FBXL5: variants seen among roughly 807,000 people sequenced by gnomAD.
FBXL5 encodes F-box/LRR-repeat protein 5.
Under a neutral mutation model 78.3 loss-of-function variants are expected in FBXL5, and 26 were observed. That is an observed-to-expected ratio of 0.33 (90% CI 0.24 to 0.46). The LOEUF (loss-of-function observed/expected upper bound fraction) is 0.46, where lower values mean the gene tolerates loss of function less well. FBXL5 is among the 20% of genes least tolerant of loss of function. The pLI, the probability that FBXL5 is intolerant of heterozygous loss-of-function variation, is 1.00. For missense variants in FBXL5, 710 were observed against 829.2 expected, an observed-to-expected ratio of 0.86 and a Z score of 1.77; for synonymous variants, 295 against 282.5, an observed-to-expected ratio of 1.04 and a Z score of -0.45.
chr4:15,614,327 C>T (rs1168412394), intron 9 of FBXL5, among the ~76,000 whole-genome samples: 1 of 152,154 alleles, frequency 6.6e-6, no homozygotes, highest in African/African-American at 2.4e-5. Context: ...AGCACCTGCT[C>T]CAGTGGAGAT....
chr4:15,679,450 A>T (rs1198429426), intron 1 of FBXL5, among the ~76,000 whole-genome samples: 2 of 151,942 alleles, frequency 1.3e-5, no homozygotes, highest in Non-Finnish European at 2.9e-5. Context: ...TTGTTTTTGA[A>T]TTGCTTCTGT....
At chr4:15,609,375 T>A (rs1425538150) in intron 10 of FBXL5, among the ~76,000 whole-genome samples, 1 of 152,142 alleles carries the variant, frequency 6.6e-6, no homozygotes, top group Admixed American at 6.5e-5. Flanking sequence ...TTAGCTATTA[T>A]TTCTCCAGAC....
chr4:15,632,155 C>A (rs1157839344), intron 5 of FBXL5, among the ~76,000 whole-genome samples: 1 of 152,114 alleles, frequency 6.6e-6, no homozygotes, highest in Admixed American at 6.6e-5. Flanking sequence ...TTTCCCAGCA[C>A]CATTTATTAC....
At chr4:15,613,073 A>C (rs1722377730) in intron 9 of FBXL5, among the ~76,000 whole-genome samples, 1 of 152,188 alleles carries the variant, frequency 6.6e-6, no homozygotes, top group Non-Finnish European at 1.5e-5. Context: ...CATAAACCTA[A>C]TTTTAAAAAG....
At chr4:15,608,049 T>C (rs1021620445) in intron 10 of FBXL5, among the ~76,000 whole-genome samples, 7 of 152,152 alleles carry the variant, frequency 4.6e-5, no homozygotes, top group Non-Finnish European at 1.0e-4. Context: ...AATGACACTA[T>C]TTGAGGACTT....
intron 8 of FBXL5, 99 bp downstream of exon 8, chr4:15,626,774 T>C (rs1159798556): frequency 2.4e-6 from 2 of 839,922 alleles, no homozygotes; most frequent in Admixed American, 5.2e-5. Context: ...TGACTGAGAT[T>C]TGATAGTAAA....
At chr4:15,632,133 T>C (rs548038989) in intron 5 of FBXL5, among the ~76,000 whole-genome samples, 78 of 152,332 alleles carry the variant, frequency 5.1e-4, no homozygotes, top group African/African-American at 1.8e-3. Context: ...TATCTACATA[T>C]GGCTAGCCAG....
At chr4:15,679,252 A>G (rs948479996) in intron 1 of FBXL5, among the ~76,000 whole-genome samples, 3 of 151,986 alleles carry the variant, frequency 2.0e-5, no homozygotes, top group African/African-American at 7.3e-5. Flanking sequence ...TAGTAGAGAC[A>G]GGGTTTCACC....
intron 9 of FBXL5, among the ~76,000 whole-genome samples, chr4:15,616,602 C>T (rs1711910728): frequency 6.6e-6 from 1 of 152,240 alleles, no homozygotes; most frequent in South Asian, 2.1e-4. Context: ...ACTGTTACAA[C>T]AAAGTTCAGC....
intron 9 of FBXL5, among the ~76,000 whole-genome samples, chr4:15,624,617 G>C (rs1380889318): frequency 7.0e-6 from 1 of 142,888 alleles, no homozygotes. Flanking sequence ...AAAAAAAAAA[G>C]TCGGTTTAAT....
At chr4:15,679,570 A>AC (rs950520258) in intron 1 of FBXL5, among the ~76,000 whole-genome samples, 17 of 151,542 alleles carry the variant, frequency 1.1e-4, no homozygotes, top group African/African-American at 3.6e-4. Flanking sequence ...AACAAAAAAA[A>AC]AAAAAAACAA....
chr4:15,620,796 G>A (rs932277869), intron 9 of FBXL5, among the ~76,000 whole-genome samples: 8 of 152,234 alleles, frequency 5.3e-5, no homozygotes, highest in African/African-American at 1.2e-4. Context: ...CGCCCAGGGC[G>A]GAAAACCACT....
intron 6 of FBXL5, 73 bp downstream of exon 6, chr4:15,630,593 C>T: frequency 7.6e-7 from 1 of 1,311,356 alleles, no homozygotes; most frequent in Non-Finnish European, 1.0e-6. Context: ...AAATCTAATA[C>T]CTAATAATTA....
chr4:15,650,021 G>A (rs1414682342), intron 1 of FBXL5, among the ~76,000 whole-genome samples: 2 of 152,086 alleles, frequency 1.3e-5, no homozygotes, highest in Non-Finnish European at 1.5e-5. Context: ...AAGAACACTT[G>A]CTCTAAAGCA....
intron 1 of FBXL5, among the ~76,000 whole-genome samples, chr4:15,650,218 C>T (rs1715826155): frequency 6.6e-6 from 1 of 152,236 alleles, no homozygotes; most frequent in East Asian, 1.9e-4. Context: ...AAGAAATCAT[C>T]TGCCTCAAAA....
intron 1 of FBXL5, among the ~76,000 whole-genome samples, chr4:15,669,391 G>A (rs1195814724): frequency 2.0e-5 from 3 of 152,144 alleles, no homozygotes; most frequent in Non-Finnish European, 4.4e-5. Flanking sequence ...CATCATATAT[G>A]TAGTGTTTTG....
intron 9 of FBXL5, among the ~76,000 whole-genome samples, chr4:15,618,142 C>T (rs1445947038): frequency 1.3e-5 from 2 of 151,934 alleles, no homozygotes; most frequent in African/African-American, 4.8e-5. Flanking sequence ...ATAAAATTGG[C>T]AAAGCTTTAG....
intron 1 of FBXL5, among the ~76,000 whole-genome samples, chr4:15,674,767 A>C (rs1717916295): frequency 6.6e-6 from 1 of 151,466 alleles, no homozygotes; most frequent in Non-Finnish European, 1.5e-5. Context: ...CTCCTGCCTC[A>C]GCCTCCCTAG....
intron 9 of FBXL5, among the ~76,000 whole-genome samples, chr4:15,617,545 C>A (rs78892988): frequency 5.3e-3 from 600 of 113,988 alleles, no homozygotes; most frequent in Middle Eastern, 8.8e-3. Flanking sequence ...CTCCATGTCT[C>A]AAAAAAAAAA....
Sources: allele counts gnomAD v4.1 joint callset (sites outside exome capture counted in the v4.1 genomes callset), GRCh38; gene constraint gnomAD v4.1.1; transcripts MANE v1.5; gene names NCBI Gene and HGNC (gene_info 2026-07-23, HGNC 2026-07-21).